RNF17: variants seen among roughly 807,000 people sequenced by gnomAD.
The protein encoded by RNF17 is ring finger protein 17.
Under a neutral mutation model 200.5 loss-of-function variants are expected in RNF17, and 31 were observed. The ratio of observed to expected loss-of-function variants is 0.15; its 90% CI spans 0.12 to 0.21. The LOEUF is 0.21. RNF17 is among the 10% of genes least tolerant of loss of function. The pLI is 1.00. For synonymous variants in RNF17, 606 were observed against 637.8 expected (o/e 0.95, Z 0.75); for missense variants, 1,628 against 1,905.1 (o/e 0.85, Z 2.71).
At chr13:24,820,129 T>C (rs1216080258) in intron 15 of RNF17, among the ~76,000 whole-genome samples, 2 of 136,230 alleles carry the variant, frequency 1.5e-5, no homozygotes, top group Non-Finnish European at 3.3e-5. Flanking sequence ...TTCTTTTTTT[T>C]TTTTTTTTTT....
chr13:24,800,479 A>T lies in RNF17; in HGVS notation c.1703A>T (p.Asp568Val). Residue 568 changes from aspartate (D) to valine (V), a missense_variant, in exon 13 of 36, where the codon GAC (aspartate) becomes GTC (valine). Around this residue, in one of 5 missense-constraint regions of RNF17, gnomAD observed 289 missense variants for 384.9 expected, o/e 0.75. Coordinates refer to ENST00000255324, the MANE Select transcript of RNF17 (RefSeq NM_031277.3). ...SEPYTEGLLK[D>V]IQPLAQPCSL... is the part of the protein sequence containing the mutation. ...CCATATACTGAAGGGCTGCTAAAAG[A>T]CATCCAGCCATTAGCACAACCATGC... 6.2e-7 allele frequency: 1 copy of T among 1,613,610 alleles called. No homozygotes were observed. The highest frequency in any genetic ancestry group is 8.5e-7 in the Non-Finnish European group (1 of 1,179,714).
intron 18 of RNF17, among the ~76,000 whole-genome samples, chr13:24,836,669 G>T (rs1041282481): frequency 2.0e-5 from 3 of 152,066 alleles, no homozygotes; most frequent in Non-Finnish European, 4.4e-5. Context: ...GAGAGAATTC[G>T]CCATTACCAA....
rs137862084 is a variant in RNF17 at position 24,859,049 on chromosome 13, G to A, written c.3659G>A (p.Cys1220Tyr). The A allele has an allele frequency of 5.0e-5, 80 of 1,603,376 alleles. No homozygotes were observed. In the African/African-American group the frequency reaches 1.0e-3, roughly 20 times the overall value. ...MTNEIQSNLKCLGLLEPYFWK... is the reference protein window; with the variant it reads ...MTNEIQSNLKYLGLLEPYFWK... ...AATGAAATTCAAAGTAATTTAAAATGCCTTGGTCTTTTGGAGCCTTATTTC... is the reference window on the plus strand; with the variant it reads ...AATGAAATTCAAAGTAATTTAAAATACCTTGGTCTTTTGGAGCCTTATTTC... Residue 1220 changes from cysteine to tyrosine, a missense_variant, in exon 26 of 36, where the codon TGC becomes TAC. By Grantham distance (194) the Cys-to-Tyr change is radical. Transcript: ENST00000255324.
At chr13:24,844,583 T>A in intron 20 of RNF17, 69 bp from the exon 21 acceptor site, 1 of 1,261,090 alleles carries the variant, frequency 7.9e-7, no homozygotes, top group South Asian at 1.5e-5. Context: ...GCGGAGATTG[T>A]AGGAAACATG....
intron 21 of RNF17, 62 bp downstream of exon 21, chr13:24,844,864 C>T: frequency 5.1e-6 from 8 of 1,570,826 alleles, no homozygotes; most frequent in East Asian, 2.2e-5. Context: ...TATTTTTTTC[C>T]CTGGAGTTAA....
chr13:24,831,303 G>A (rs937429637), intron 17 of RNF17, among the ~76,000 whole-genome samples: 36 of 152,012 alleles, frequency 2.4e-4, no homozygotes, highest in African/African-American at 8.2e-4. Flanking sequence ...TTAGCTGGGC[G>A]TGGTGGTGTG....
chr13:24,855,972 G>A (rs1417604035), intron 25 of RNF17, among the ~76,000 whole-genome samples: 1 of 152,032 alleles, frequency 6.6e-6, no homozygotes, highest in Non-Finnish European at 1.5e-5. Context: ...AATATATCCT[G>A]AACACTTATC....
chr13:24,778,893 A>C (rs1467263471), intron 4 of RNF17, among the ~76,000 whole-genome samples: 1 of 152,230 alleles, frequency 6.6e-6, no homozygotes, highest in Non-Finnish European at 1.5e-5. Context: ...TTTTGTGTTA[A>C]GATCATTAAT....
In RNF17 at chr13:24,844,678, A is replaced by G. The variant is rs1410838804; in HGVS notation, c.2858A>G (p.Tyr953Cys). 1 of 1,604,448 alleles carries G rather than the reference A, an allele frequency of 6.2e-7. No individual in the cohort carries two copies. Among genetic ancestry groups the G allele is most frequent in the Non-Finnish European group, 8.5e-7 (1 of 1,172,112 alleles). The change falls in exon 21 of 36, where the codon TAT becomes TGT. Residue 953 changes from tyrosine to cysteine, a missense_variant. Tyr to Cys is a radical substitution (Grantham distance 194). Coordinates refer to ENST00000255324, the MANE Select transcript of RNF17 (RefSeq NM_031277.3). ...TTAGAAGAAAAGATGATAGCTGCTTATGAAAACTCAAAATGGGAACCTGTT... is the reference window on the plus strand; with the variant it reads ...TTAGAAGAAAAGATGATAGCTGCTTGTGAAAACTCAAAATGGGAACCTGTT... The part of the protein sequence containing the change: ...NSLEEKMIAA[Y>C]ENSKWEPVKW...
intron 1 of RNF17, among the ~76,000 whole-genome samples, chr13:24,764,888 GGTGTGTGTGTGTGTGTGT>G (rs57755622): frequency 2.2e-5 from 3 of 134,092 alleles, no homozygotes; most frequent in Admixed American, 7.3e-5. Flanking sequence ...CACCTTGTGG[GGTGTGTGTGTGTGTGTGT>G]GTGTGTGTGT....
At chr13:24,833,570 G>T (rs1012003390) in intron 18 of RNF17, among the ~76,000 whole-genome samples, 1 of 152,194 alleles carries the variant, frequency 6.6e-6, no homozygotes, top group African/African-American at 2.4e-5. Flanking sequence ...ATTTCCCATG[G>T]ACAGTCAATC....
intron 9 of RNF17, among the ~76,000 whole-genome samples, chr13:24,791,475 T>TA (rs1883849950): frequency 6.6e-6 from 1 of 152,200 alleles, no homozygotes; most frequent in African/African-American, 2.4e-5. Flanking sequence ...GTTGAGTACT[T>TA]ACTGTTTACC....
intron 9 of RNF17, among the ~76,000 whole-genome samples, chr13:24,792,505 CT>C (rs1439761446): frequency 1.3e-5 from 2 of 152,110 alleles, no homozygotes; most frequent in Non-Finnish European, 2.9e-5. Flanking sequence ...GACACCGGAG[CT>C]GATTAATAAT....
chr13:24,854,279 A>C (rs770973264), intron 25 of RNF17, 135 bp downstream of exon 25: 2 of 631,814 alleles, frequency 3.2e-6, no homozygotes, highest in Admixed American at 6.5e-5. Context: ...CAATGCATGC[A>C]AAGTGCTTTT....
intron 15 of RNF17, among the ~76,000 whole-genome samples, chr13:24,817,440 C>T (rs1447952969): frequency 6.6e-6 from 1 of 151,992 alleles, no homozygotes; most frequent in East Asian, 1.9e-4. Context: ...ACTTCTTGGC[C>T]GGGCATGGTG....
At chr13:24,883,323 G>A (rs947799947), downstream of RNF17, 4 of 1,613,524 alleles carry the variant, frequency 2.5e-6, no homozygotes, top group African/African-American at 5.3e-5. Context: ...TGGGCAGTAT[G>A]TAGTTCTCTT....
intron 16 of RNF17, among the ~76,000 whole-genome samples, chr13:24,828,107 A>G (rs977819869): frequency 2.0e-5 from 3 of 152,212 alleles, no homozygotes; most frequent in Non-Finnish European, 4.4e-5. Flanking sequence ...TTTTCATGAC[A>G]CTAAGGACTT....
At chr13:24,876,804 G>C (rs1894904706) in intron 33 of RNF17, among the ~76,000 whole-genome samples, 193 bp from the exon 34 acceptor site, 1 of 152,088 alleles carries the variant, frequency 6.6e-6, no homozygotes, top group Non-Finnish European at 1.5e-5. Context: ...ATACACAGAA[G>C]TTAATTTTTT....
At chr13:24,774,116 AGTGGAC>A (rs775781535) in intron 2 of RNF17, among the ~76,000 whole-genome samples, 4 of 152,236 alleles carry the variant, frequency 2.6e-5, no homozygotes, top group Non-Finnish European at 4.4e-5. Flanking sequence ...TGTGGGCCAC[AGTGGAC>A]TTTAGGAATT....
Sources: allele counts gnomAD v4.1 joint callset (sites outside exome capture counted in the v4.1 genomes callset), GRCh38; gene constraint gnomAD v4.1.1; regional missense constraint gnomAD v4.1.1; transcripts MANE v1.5; gene names NCBI Gene and HGNC (gene_info 2026-07-23, HGNC 2026-07-21).